Variants in FAM171B observed in about 807,000 individuals in gnomAD.
The protein encoded by FAM171B is protein FAM171B.
Under a neutral mutation model 75.6 loss-of-function variants are expected in FAM171B, and 19 were observed. The ratio of observed to expected loss-of-function variants is 0.25; its 90% CI spans 0.18 to 0.37. FAM171B has a LOEUF of 0.37. FAM171B is among the 10% of genes least tolerant of loss of function. The probability of loss-of-function intolerance (pLI) is 1.00; values close to 1 mark genes in which losing one functional copy is unlikely to be tolerated. For synonymous variants in FAM171B, 367 were observed against 361.7 expected (o/e 1.01, Z -0.17); for missense variants, 848 against 982.4 (o/e 0.86, Z 1.83).
intron 5 of FAM171B, among the ~76,000 whole-genome samples, chr2:186,753,580 A>G (rs1574112927): frequency 1.3e-5 from 2 of 152,084 alleles, no homozygotes; most frequent in African/African-American, 4.8e-5. Context: ...CATAATTGAT[A>G]ATTTTTGTGT....
chr2:186,742,909 G>T (rs1170949933), intron 2 of FAM171B, among the ~76,000 whole-genome samples: 2 of 152,210 alleles, frequency 1.3e-5, no homozygotes, highest in African/African-American at 2.4e-5. Flanking sequence ...TTGTAGGCAG[G>T]TTCATCTCCA....
chr2:186,761,814 C>T lies in FAM171B; in HGVS notation c.1472C>T (p.Ser491Phe). ...PTQSLEPNVG[S>F]KQPKHINNNL... is the part of the protein sequence containing the mutation. ...CAGTCTTTGGAGCCCAATGTAGGGTCCAAACAACCTAAACATATTAACAAC... is the reference window on the plus strand; with the variant it reads ...CAGTCTTTGGAGCCCAATGTAGGGTTCAAACAACCTAAACATATTAACAAC... The change falls in exon 8 of 8, where the codon TCC becomes TTC. Residue 491 changes from serine to phenylalanine, a missense_variant. Ser to Phe is a radical substitution (Grantham distance 155). This residue lies in a region of FAM171B where 665 missense variants were observed against 729.0 expected (regional missense o/e 0.91). Transcript: ENST00000304698. 1.2e-6 allele frequency: 2 copies of T among 1,613,140 alleles called. No individual in the cohort carries two copies. The highest frequency in any genetic ancestry group is 1.7e-6 in the Non-Finnish European group (2 of 1,179,776).
chr2:186,743,672 A>T, intron 3 of FAM171B, 97 bp downstream of exon 3: 1 of 844,796 alleles, frequency 1.2e-6, no homozygotes, highest in Non-Finnish European at 1.9e-6. Flanking sequence ...ACTTGAGAAA[A>T]ATCTAAATTG....
chr2:186,761,476 T>C lies in FAM171B; in HGVS notation c.1137-3T>C. ...ATATTTTTTGCCTTCTCTTCTACTC[T>C]AGGGACAAGTGTGGTACTCCACAGA... On this transcript the variant is annotated splice_polypyrimidine_tract_variant and splice_region_variant and intron_variant, in intron 7 of 7. Transcript: ENST00000304698. 1.9e-6 allele frequency: 3 copies of C among 1,554,324 alleles called. No homozygotes were observed. The East Asian group carries it at 6.7e-5, about 35-fold the overall frequency.
At chr2:186,752,572 G>A (rs1268774177) in intron 5 of FAM171B, among the ~76,000 whole-genome samples, 3 of 152,062 alleles carry the variant, frequency 2.0e-5, no homozygotes, top group African/African-American at 4.8e-5. Context: ...TGAGGAAGTC[G>A]TGTTAAGGCA....
intron 1 of FAM171B, among the ~76,000 whole-genome samples, chr2:186,698,788 A>G (rs1320371600): frequency 6.6e-6 from 1 of 152,100 alleles, no homozygotes; most frequent in Non-Finnish European, 1.5e-5. Context: ...CCCACTCCCA[A>G]TACCCTTCCC....
chr2:186,694,302 A>ACAGCAGCAGCAGCAGCAGCAG lies in FAM171B; in HGVS notation c.149_150insGCAGCAGCAGCAGCAGCAGCA (p.Gln50_Gln56dup), dbSNP rs144403657. On this transcript the variant is annotated inframe_insertion, in exon 1 of 8. Coordinates refer to ENST00000304698, the MANE Select transcript of FAM171B (RefSeq NM_177454.4). ...GCCGCTCCGACCTCAGCCTCATCCA[A>ACAGCAGCAGCAGCAGCAGCAG]CAGCAGCAGCAGCAGCAGCAACAAC... The ACAGCAGCAGCAGCAGCAGCAG allele has an allele frequency of 1.9e-6, 3 of 1,565,774 alleles. No individual in the cohort carries two copies. The highest frequency in any genetic ancestry group is 2.6e-6 in the Non-Finnish European group (3 of 1,152,374).
chr2:186,694,450 C>A (rs2276564), intron 1 of FAM171B, 39 bp downstream of exon 1: 2 of 1,587,848 alleles, frequency 1.3e-6, no homozygotes, highest in Admixed American at 1.7e-5. Flanking sequence ...TCAGTCTCGG[C>A]CGGCGATCTC....
chr2:186,752,788 T>C lies in FAM171B; in HGVS notation c.896-1145T>C, dbSNP rs1690475592. On this transcript the variant is annotated intron_variant, in intron 5 of 7. Coordinates refer to ENST00000304698, the MANE Select transcript of FAM171B (RefSeq NM_177454.4). ...CCTTATTAAAATACTTTTTTACATGTTATAGATAATTCACTATAATAAATC... is the reference window on the plus strand; with the variant it reads ...CCTTATTAAAATACTTTTTTACATGCTATAGATAATTCACTATAATAAATC... 2.6e-5 allele frequency among the ~76,000 whole-genome samples: 4 copies of C among 152,222 alleles called. No individual in the cohort carries two copies. The South Asian group carries it at 8.3e-4, about 31-fold the overall frequency.
In FAM171B at chr2:186,733,099, C is replaced by T. The variant is rs538545656; in HGVS notation, c.239-7129C>T. ...TATCTGATTACCGACTGTAACAGTG[C>T]GTGTATTTGAAGGCTGACATGGCCT... On this transcript the variant is annotated intron_variant, in intron 1 of 7. Transcript: ENST00000304698. Among the ~76,000 whole-genome samples the T allele has an allele frequency of 1.4e-4, 22 of 152,274 alleles. No individual in the cohort carries two copies. The South Asian group carries it at 2.5e-3, about 17-fold the overall frequency.
chr2:186,743,348 G>T, intron 2 of FAM171B, 135 bp from the exon 3 acceptor site: 15 of 581,388 alleles, frequency 2.6e-5, no homozygotes, highest in South Asian at 9.1e-5. Context: ...CCTTTGTTTT[G>T]AATTGCTCTT....
chr2:186,694,081 G>T lies in FAM171B; in HGVS notation c.-93G>T. ...CTTGGCAGATTGCGCGAGGGGGAGC[G>T]AGCGAGCGGGCGCTGCCAGGAGCCC... On this transcript the variant is annotated 5_prime_UTR_variant, in exon 1 of 8. Coordinates refer to ENST00000304698, the MANE Select transcript of FAM171B (RefSeq NM_177454.4). 1.5e-6 allele frequency: 2 copies of T among 1,374,244 alleles called. No homozygotes were observed. Among genetic ancestry groups the T allele is most frequent in the South Asian group, 1.7e-5 (1 of 59,676 alleles). The allele number at this position is 1,374,244 out of a possible 1,614,324, so 85.1% of individuals were successfully genotyped here.
intron 1 of FAM171B, among the ~76,000 whole-genome samples, chr2:186,710,814 C>G (rs1220958531): frequency 6.6e-6 from 1 of 151,918 alleles, no homozygotes; most frequent in Non-Finnish European, 1.5e-5. Context: ...TAATGAATAT[C>G]CATACACCCT....
At position 186,751,273 on chromosome 2, in the gene FAM171B, C is replaced by T. The variant is rs755147285; in HGVS notation, c.864C>T (p.Arg288=). The change falls in exon 5 of 8, where the codon CGC becomes CGT. Residue 288 remains arginine (R), a synonymous_variant. Transcript: ENST00000304698. ...TGAATGATATAAGTGCAGGGGATCG[C>T]ATACCTGCTTGGACATTTGATATGA... is the stretch of plus-strand genomic sequence containing the variant. ...LRLNDISAGD[R]IPAWTFDMNT... 1.2e-6 allele frequency: 2 copies of T among 1,602,076 alleles called. No homozygotes were observed. The highest frequency in any genetic ancestry group is 1.7e-5 in the Admixed American group (1 of 59,634).
rs1690637187 is a variant in FAM171B at position 186,762,644 on chromosome 2, A to G, written c.2302A>G (p.Ser768Gly). ...PALRHILDGG[S>G]GVIMEHPGEE... ...TTTAAGGCACATCCTAGATGGAGGGAGTGGAGTGATCATGGAGCACCCTGG... is the reference window on the plus strand; with the variant it reads ...TTTAAGGCACATCCTAGATGGAGGGGGTGGAGTGATCATGGAGCACCCTGG... Residue 768 changes from serine to glycine, a missense_variant, in exon 8 of 8, where the codon AGT becomes GGT. Ser to Gly is a moderately conservative substitution (Grantham distance 56). Coordinates refer to ENST00000304698, the MANE Select transcript of FAM171B (RefSeq NM_177454.4). The surrounding 1 kb of genome is among the most constrained non-coding windows in gnomAD (Gnocchi z 4.0). 5.0e-6 allele frequency: 8 copies of G among 1,613,276 alleles called. No individual in the cohort carries two copies. The highest frequency in any genetic ancestry group is 5.1e-6 in the Non-Finnish European group (6 of 1,179,654).
At chr2:186,712,869 T>C (rs984423441) in intron 1 of FAM171B, among the ~76,000 whole-genome samples, 17 of 152,198 alleles carry the variant, frequency 1.1e-4, no homozygotes, top group Non-Finnish European at 2.9e-5. Context: ...TTCTTTTTCC[T>C]CCTCAAAATA....
intron 6 of FAM171B, among the ~76,000 whole-genome samples, chr2:186,758,879 A>G (rs1369462324): frequency 6.6e-6 from 1 of 151,794 alleles, no homozygotes; most frequent in African/African-American, 2.4e-5. Flanking sequence ...GTCTGTGTTC[A>G]CTCTGTTGTA....
At chr2:186,726,043 T>C (rs1045641220) in intron 1 of FAM171B, among the ~76,000 whole-genome samples, 2 of 152,214 alleles carry the variant, frequency 1.3e-5, no homozygotes, top group African/African-American at 4.8e-5. Context: ...AGTTCTTAAG[T>C]TGTAAAGGCT....
Position 186,694,254 on chromosome 2 carries a change from C to A in FAM171B, c.81C>A (p.Pro27=), listed in dbSNP as rs1332787375. The A allele has an allele frequency of 1.2e-6, 2 of 1,611,080 alleles. No homozygotes were observed. Among genetic ancestry groups the A allele is most frequent in the Non-Finnish European group, 1.7e-6 (2 of 1,179,692 alleles). Residue 27 remains proline (P), a synonymous_variant, in exon 1 of 8, where the codon CCC becomes CCA. Transcript: ENST00000304698. ...AVVLLKARLV[P]AAARAELSRS... The stretch of plus-strand genomic sequence containing the variant: ...TGCTGCTGAAAGCGCGGCTGGTCCC[C>A]GCGGCCGCCAGAGCGGAACTCAGCC...
Sources: gnomAD v4.1 joint callset for allele counts (sites outside exome capture counted in the v4.1 genomes callset) on GRCh38, gnomAD v4.1.1 for gene constraint, gnomAD v4.1.1 regional missense constraint, Gnocchi (gnomAD v3.1) non-coding constraint, MANE v1.5 for transcripts, NCBI Gene and HGNC (gene_info 2026-07-23, HGNC 2026-07-21) for gene names.